LARP4B: variants seen among roughly 807,000 people sequenced by gnomAD.
LARP4B encodes the protein La ribonucleoprotein 4B, also known as la-related protein 4B.
In LARP4B, 12 loss-of-function variants were observed where a neutral mutation model predicts 89.8. The ratio of observed to expected loss-of-function variants is 0.13; its 90% CI spans 0.09 to 0.22. The LOEUF (loss-of-function observed/expected upper bound fraction) is 0.22, where lower values mean the gene tolerates loss of function less well. Ranked by LOEUF, LARP4B falls within the 10% of genes least tolerant of loss-of-function variation. The probability of loss-of-function intolerance (pLI) is 1.00; values close to 1 mark genes in which losing one functional copy is unlikely to be tolerated. For missense variants in LARP4B, 757 were observed against 947.7 expected, an observed-to-expected ratio of 0.80 and a Z score of 2.64; for synonymous variants, 367 against 363.3, an observed-to-expected ratio of 1.01 and a Z score of -0.12.
the LARP4B span, among the ~76,000 whole-genome samples, chr10:945,200 A>G: frequency 3.3e-5 from 5 of 151,742 alleles, no homozygotes; most frequent in Non-Finnish European, 7.4e-5. Context: ...CCTGGCCAAC[A>G]TGGTGAAACC....
chr10:829,703 G>C lies in LARP4B; in HGVS notation c.893C>G (p.Thr298Ser). Residue 298 changes from threonine to serine, a missense_variant, in exon 10 of 18, where the codon ACT (threonine) becomes AGT (serine). Transcript: ENST00000316157. The stretch of plus-strand genomic sequence containing the variant: ...TACCTTAATTGGTTTTCCTTGAAAA[G>C]TTTTGACTTCTTCTCGAAGGTATTT... ...AYKYLREEVKTFQGKPIKARI... is the reference protein window; with the variant it reads ...AYKYLREEVKSFQGKPIKARI... The C allele has an allele frequency of 6.2e-7, 1 of 1,612,786 alleles. No individual in the cohort carries two copies. Among genetic ancestry groups the C allele is most frequent in the Non-Finnish European group, 8.5e-7 (1 of 1,178,998 alleles).
At chr10:873,494 T>C (rs1835326903) in intron 3 of LARP4B, 4 of 834,722 alleles carry the variant, frequency 4.8e-6, no homozygotes, top group Non-Finnish European at 5.8e-6. Flanking sequence ...CTGGTTTTTC[T>C]ACAGTGTTCC....
the LARP4B span, among the ~76,000 whole-genome samples, chr10:965,283 G>A: frequency 6.6e-6 from 1 of 152,232 alleles, no homozygotes; most frequent in East Asian, 1.9e-4. Flanking sequence ...CCCAAGGACA[G>A]AAGGCGGTGG....
intron 5 of LARP4B, among the ~76,000 whole-genome samples, chr10:846,223 T>C (rs1432020034): frequency 6.6e-6 from 1 of 152,234 alleles, no homozygotes; most frequent in Non-Finnish European, 1.5e-5. Flanking sequence ...CAGGCACTAC[T>C]GCAGGCTCTG....
At position 843,122 on chromosome 10, in the gene LARP4B, A is replaced by G. The variant is rs1833604179; in HGVS notation, c.510-54T>C. 7 of 1,512,910 alleles carry G rather than the reference A, an allele frequency of 4.6e-6. No individual in the cohort carries two copies. In the Admixed American group the frequency reaches 1.2e-4, roughly 27 times the overall value. 93.7% of individuals were successfully genotyped at this position (1,512,910 alleles called of 1,614,324 possible). A position where few individuals can be genotyped will look rare whatever the true frequency, so the allele number is the denominator to read the frequency against. ...CAGTATTTCTTTAAAAGGAAGTTTC[A>G]CCTACTGTAATTCCAGTTTCACAAG... is the stretch of plus-strand genomic sequence containing the variant. On this transcript the variant is annotated intron_variant, in intron 6 of 17. Coordinates refer to ENST00000316157, the MANE Select transcript of LARP4B (RefSeq NM_015155.3).
upstream of LARP4B, among the ~76,000 whole-genome samples, chr10:935,729 T>TTC (rs1381198970): frequency 5.0e-5 from 7 of 140,502 alleles, no homozygotes; most frequent in African/African-American, 1.8e-4. Context: ...TTTCTTTTTT[T>TTC]TTTTTTTTTT....
the LARP4B span, among the ~76,000 whole-genome samples, chr10:946,733 C>G: frequency 6.6e-6 from 1 of 152,250 alleles, no homozygotes; most frequent in Admixed American, 6.5e-5. Flanking sequence ...GCAGTTATAT[C>G]AATTTTTTTT....
intron 15 of LARP4B, among the ~76,000 whole-genome samples, chr10:816,913 C>CTGG (rs780580171): frequency 2.0e-5 from 3 of 152,166 alleles, no homozygotes; most frequent in Admixed American, 6.5e-5. Flanking sequence ...GGAAGAGACA[C>CTGG]TGACTCTGCA....
intron 2 of LARP4B, among the ~76,000 whole-genome samples, chr10:885,373 CCTTT>C (rs1455899248): frequency 3.3e-5 from 5 of 152,224 alleles, no homozygotes; most frequent in Admixed American, 3.3e-4. Flanking sequence ...TTTGGTTCTT[CCTTT>C]GTGGAGGCTC....
chr10:855,000 TTTTC>T (rs1834232184), intron 5 of LARP4B, among the ~76,000 whole-genome samples: 1 of 152,250 alleles, frequency 6.6e-6, no homozygotes, highest in Admixed American at 6.5e-5. Context: ...AGACTGCTTC[TTTTC>T]TTTAACTTCA....
intron 1 of LARP4B, among the ~76,000 whole-genome samples, chr10:909,813 G>T (rs1836618662): frequency 6.6e-6 from 1 of 151,876 alleles, no homozygotes. Flanking sequence ...TAAGTTCCAA[G>T]ATTTTTTTTT....
At chr10:972,419 G>A in the LARP4B span, 1 of 430,592 alleles carries the variant, frequency 2.3e-6, no homozygotes, top group South Asian at 1.7e-5. Context: ...CCAGAAACAT[G>A]AGCCAAAAAA....
At chr10:882,208 C>T (rs1287347579) in intron 3 of LARP4B, among the ~76,000 whole-genome samples, 1 of 151,392 alleles carries the variant, frequency 6.6e-6, no homozygotes, top group Non-Finnish European at 1.5e-5. Flanking sequence ...CAATTGCATA[C>T]TTTAAATGGG....
At chr10:918,479 C>G (rs1352348307) in intron 1 of LARP4B, among the ~76,000 whole-genome samples, 1 of 151,748 alleles carries the variant, frequency 6.6e-6, no homozygotes, top group Non-Finnish European at 1.5e-5. Context: ...CAAAAAAATA[C>G]AAAAATTAAC....
At chr10:876,335 A>AT (rs1489290278) in intron 3 of LARP4B, among the ~76,000 whole-genome samples, 1 of 152,132 alleles carries the variant, frequency 6.6e-6, no homozygotes, top group Admixed American at 6.5e-5. Context: ...CAGTGAGCAG[A>AT]TATCACACCA....
At chr10:908,940 A>G (rs974911188) in intron 1 of LARP4B, among the ~76,000 whole-genome samples, 2 of 152,106 alleles carry the variant, frequency 1.3e-5, no homozygotes, top group Non-Finnish European at 2.9e-5. Context: ...AGATAGCACA[A>G]TGCCTGGCAC....
chr10:928,264 G>A (rs1837207534), intron 1 of LARP4B, among the ~76,000 whole-genome samples: 1 of 151,784 alleles, frequency 6.6e-6, no homozygotes, highest in South Asian at 2.1e-4. Flanking sequence ...TTAACACTAG[G>A]ATAAAAACAA....
intron 5 of LARP4B, among the ~76,000 whole-genome samples, chr10:852,181 C>A (rs540698529): frequency 6.6e-6 from 1 of 152,146 alleles, no homozygotes; most frequent in Non-Finnish European, 1.5e-5. Context: ...TAACCTCTTC[C>A]AAAAACTTAA....
chr10:929,759 T>C (rs1049694538), intron 1 of LARP4B, among the ~76,000 whole-genome samples: 3 of 152,168 alleles, frequency 2.0e-5, no homozygotes, highest in African/African-American at 7.2e-5. Flanking sequence ...GAATAAGCCA[T>C]GCCTTTGTTT....
Sources: gnomAD v4.1 joint callset for allele counts (sites outside exome capture counted in the v4.1 genomes callset) on GRCh38, gnomAD v4.1.1 for gene constraint, MANE v1.5 for transcripts, NCBI Gene and HGNC (gene_info 2026-07-23, HGNC 2026-07-21) for gene names.